Variants in GUCY1B1 observed in about 807,000 individuals in gnomAD.
GUCY1B1 encodes guanylate cyclase soluble subunit beta-1.
In GUCY1B1, 43 loss-of-function variants were observed where a neutral mutation model predicts 71.0. The ratio of observed to expected loss-of-function variants is 0.61; its 90% CI spans 0.47 to 0.78. The LOEUF (loss-of-function observed/expected upper bound fraction) is 0.78, where lower values mean the gene tolerates loss of function less well. Among genes scored for constraint, GUCY1B1 ranks in the 30% least tolerant of loss-of-function variants. GUCY1B1 has a pLI of 0.00. For synonymous variants in GUCY1B1, 266 were observed against 259.7 expected, an observed-to-expected ratio of 1.02 and a Z score of -0.23; for missense variants, 535 against 754.1, an observed-to-expected ratio of 0.71 and a Z score of 3.40.
At chr4:155,782,505 T>C (rs928407397) in intron 4 of GUCY1B1, among the ~76,000 whole-genome samples, 3 of 152,192 alleles carry the variant, frequency 2.0e-5, no homozygotes, top group Non-Finnish European at 2.9e-5. Flanking sequence ...AGTTTAATGT[T>C]ATTTCTACCT....
intron 4 of GUCY1B1, 141 bp downstream of exon 4, chr4:155,777,783 A>T: frequency 1.8e-6 from 1 of 549,288 alleles, no homozygotes; most frequent in Non-Finnish European, 3.2e-6. Context: ...TCTAATTCAC[A>T]TAAAATCATC....
intron 8 of GUCY1B1, among the ~76,000 whole-genome samples, chr4:155,799,526 C>A (rs1347384954): frequency 6.6e-6 from 1 of 151,926 alleles, no homozygotes; most frequent in Non-Finnish European, 1.5e-5. Flanking sequence ...AGATTTTTTT[C>A]CTCTCCTTAT....
chr4:155,783,759 T>C (rs1243852907), intron 4 of GUCY1B1, among the ~76,000 whole-genome samples: 2 of 152,236 alleles, frequency 1.3e-5, no homozygotes, highest in African/African-American at 4.8e-5. Flanking sequence ...CCTGAACAGC[T>C]GTAAAATTCT....
At chr4:155,790,137 T>C (rs955676646) in intron 5 of GUCY1B1, among the ~76,000 whole-genome samples, 1 of 152,172 alleles carries the variant, frequency 6.6e-6, no homozygotes, top group Non-Finnish European at 1.5e-5. Context: ...AATTATATAG[T>C]GTTCAAGGCT....
chr4:155,777,505 T>C lies in GUCY1B1; in HGVS notation c.179-19T>C, dbSNP rs1420803527. 1 of 1,270,358 alleles carries C rather than the reference T, an allele frequency of 7.9e-7. No individual in the cohort carries two copies. Among genetic ancestry groups the C allele is most frequent in the Non-Finnish European group, 1.2e-6 (1 of 867,006 alleles). 78.7% of individuals were successfully genotyped at this position (1,270,358 alleles called of 1,614,324 possible). A position where few individuals can be genotyped will look rare whatever the true frequency, so the allele number is the denominator to read the frequency against. ...CACCTATTATATGCTTTTTTTCCCC[T>C]CTTGAATTTGTAAAATAGATCTCAA... On this transcript the variant is annotated intron_variant, in intron 3 of 13. Transcript: ENST00000264424.
intron 5 of GUCY1B1, among the ~76,000 whole-genome samples, chr4:155,792,701 A>C (rs922742245): frequency 2.0e-5 from 3 of 151,966 alleles, no homozygotes; most frequent in African/African-American, 7.2e-5. Context: ...TAACTGAAGA[A>C]ATGTTGTCCC....
At chr4:155,767,038 C>T (rs925691618) in intron 2 of GUCY1B1, among the ~76,000 whole-genome samples, 12 of 152,040 alleles carry the variant, frequency 7.9e-5, no homozygotes, top group Non-Finnish European at 1.5e-4. Flanking sequence ...AGAATAGAGG[C>T]GTAAAAGAAA....
intron 2 of GUCY1B1, 97 bp downstream of exon 2, chr4:155,759,957 G>T: frequency 1.2e-6 from 1 of 856,570 alleles, no homozygotes; most frequent in Non-Finnish European, 1.9e-6. Flanking sequence ...GCCGGGTCGC[G>T]GGCGCGCATC....
At chr4:155,805,002 G>A (rs1740219134) in intron 12 of GUCY1B1, 101 bp from the exon 13 acceptor site, 2 of 1,026,810 alleles carry the variant, frequency 1.9e-6, no homozygotes, top group Admixed American at 4.5e-5. Context: ...TACAACTTCA[G>A]CATTTGTTCT....
At chr4:155,791,039 G>C (rs1258200886) in intron 5 of GUCY1B1, among the ~76,000 whole-genome samples, 1 of 151,934 alleles carries the variant, frequency 6.6e-6, no homozygotes, top group Admixed American at 6.6e-5. Flanking sequence ...TTAAAGCCTT[G>C]GGTAAAGTAT....
At chr4:155,786,028 A>G (rs576169979) in intron 4 of GUCY1B1, among the ~76,000 whole-genome samples, 5 of 152,142 alleles carry the variant, frequency 3.3e-5, no homozygotes, top group Non-Finnish European at 7.4e-5. Flanking sequence ...ACTGACTTGG[A>G]TGATTGTGTC....
intron 3 of GUCY1B1, among the ~76,000 whole-genome samples, chr4:155,775,853 C>T (rs550623011): frequency 1.3e-5 from 2 of 152,242 alleles, no homozygotes; most frequent in South Asian, 4.1e-4. Context: ...AAGTTGTTCT[C>T]AAAGTAGTAT....
At chr4:155,766,021 A>T (rs1439985164) in intron 2 of GUCY1B1, among the ~76,000 whole-genome samples, 1 of 152,158 alleles carries the variant, frequency 6.6e-6, no homozygotes, top group African/African-American at 2.4e-5. Context: ...ATCCTCCATG[A>T]CAATAGCCTC....
chr4:155,776,514 A>G (rs1051666129), intron 3 of GUCY1B1, among the ~76,000 whole-genome samples: 5 of 152,114 alleles, frequency 3.3e-5, no homozygotes, highest in African/African-American at 1.2e-4. Context: ...TACTAAAAAT[A>G]CAAAAATTAT....
intron 1 of GUCY1B1, 71 bp from the exon 2 acceptor site, chr4:155,759,716 C>T: frequency 3.7e-6 from 4 of 1,092,660 alleles, no homozygotes; most frequent in Non-Finnish European, 5.6e-6. Context: ...GCAGAGGCAG[C>T]AGCCTCGCCC....
At chr4:155,793,275 C>A (rs564972373) in intron 5 of GUCY1B1, among the ~76,000 whole-genome samples, 5 of 152,022 alleles carry the variant, frequency 3.3e-5, no homozygotes, top group Non-Finnish European at 7.4e-5. Context: ...TGGGGTTTTG[C>A]CATGTTGGCC....
At chr4:155,789,407 C>T (rs1033538193) in intron 4 of GUCY1B1, among the ~76,000 whole-genome samples, 1 of 152,214 alleles carries the variant, frequency 6.6e-6, no homozygotes, top group African/African-American at 2.4e-5. Flanking sequence ...GTATCTTTGC[C>T]TTAGCCCTTA....
Position 155,802,557 on chromosome 4 carries a change from G to A in GUCY1B1, c.1391G>A (p.Arg464Gln), listed in dbSNP as rs771886345. The A allele has an allele frequency of 5.0e-6, 8 of 1,604,136 alleles. No homozygotes were observed. The highest frequency in any genetic ancestry group is 1.7e-5 in the Admixed American group (1 of 58,942). Reference protein sequence around the residue: ...YTRFDTLTDSRKNPFVYKVET... With the variant: ...YTRFDTLTDSQKNPFVYKVET... Reference sequence around the variant, plus strand: ...AGATTTGACACACTGACTGATTCCCGGAAAAACCCATTTGTTTATAAGGCA... The same window carrying A: ...AGATTTGACACACTGACTGATTCCCAGAAAAACCCATTTGTTTATAAGGCA... Residue 464 changes from arginine to glutamine, a missense_variant, in exon 10 of 14, where the codon CGG becomes CAG. Arg to Gln is a conservative substitution (Grantham distance 43). Coordinates refer to ENST00000264424, the MANE Select transcript of GUCY1B1 (RefSeq NM_000857.5). This position sits in a 1 kb window ranked among gnomAD's most constrained non-coding sequence, Gnocchi z 4.3.
intron 9 of GUCY1B1, 81 bp downstream of exon 9, chr4:155,800,155 A>G: frequency 3.3e-6 from 3 of 906,242 alleles, no homozygotes; most frequent in Non-Finnish European, 4.9e-6. Context: ...GAACCAGACT[A>G]AAAAGCCATG....
Sources: gnomAD v4.1 joint callset for allele counts (sites outside exome capture counted in the v4.1 genomes callset) on GRCh38, gnomAD v4.1.1 for gene constraint, Gnocchi (gnomAD v3.1) non-coding constraint, MANE v1.5 for transcripts, NCBI Gene and HGNC (gene_info 2026-07-23, HGNC 2026-07-21) for gene names.